Variants in FER1L6 observed in about 807,000 individuals in gnomAD.
The protein encoded by FER1L6 is fer-1-like protein 6.
In FER1L6, 177 loss-of-function variants were observed where a neutral mutation model predicts 219.2. The ratio of observed to expected loss-of-function variants is 0.81; its 90% confidence interval spans 0.71 to 0.91. The LOEUF (loss-of-function observed/expected upper bound fraction) is 0.91. FER1L6 is among the 40% of genes least tolerant of loss of function. The pLI is 0.00. For missense variants in FER1L6, 2,153 were observed against 2,259.9 expected (o/e 0.95, Z 0.96); for synonymous variants, 768 against 824.3 (o/e 0.93, Z 1.17).
At chr8:123,981,654 G>A (rs1320221107) in intron 11 of FER1L6, among the ~76,000 whole-genome samples, 1 of 152,142 alleles carries the variant, frequency 6.6e-6, no homozygotes, top group African/African-American at 2.4e-5. Flanking sequence ...CCTTGGAAGA[G>A]GCATTTGTTT....
chr8:124,008,079 A>G (rs1284972980), intron 13 of FER1L6, among the ~76,000 whole-genome samples: 2 of 152,116 alleles, frequency 1.3e-5, no homozygotes, highest in Admixed American at 1.3e-4. Context: ...GTAGTCTTTT[A>G]TCCCTCACTC....
At chr8:124,070,860 T>A (rs1181120931) in intron 30 of FER1L6, among the ~76,000 whole-genome samples, 1 of 152,326 alleles carries the variant, frequency 6.6e-6, no homozygotes, top group South Asian at 2.1e-4. Context: ...AACTTTACTT[T>A]GTTCTCTCCC....
intron 39 of FER1L6, among the ~76,000 whole-genome samples, chr8:124,105,354 C>T (rs571244883): frequency 6.6e-6 from 1 of 152,322 alleles, no homozygotes; most frequent in South Asian, 2.1e-4. Flanking sequence ...CCTGATCACA[C>T]AGGCCTCGAG....
At chr8:123,939,605 T>C (rs1814149068) in intron 1 of FER1L6, among the ~76,000 whole-genome samples, 1 of 151,686 alleles carries the variant, frequency 6.6e-6, no homozygotes, top group South Asian at 2.1e-4. Context: ...CGTTGGGGAG[T>C]CTTGTGTCCC....
Position 124,094,879 on chromosome 8 carries a change from GTCTT to G in FER1L6, c.4553-10_4553-7del. ...GCAGGAACACACATCTGACAAGTTT[GTCTT>G]TCTTTCCTGCAGATGAGACAGTGGA... On this transcript the variant is annotated splice_polypyrimidine_tract_variant and intron_variant, in intron 34 of 40. Transcript: ENST00000522917. 1 of 1,613,822 alleles carries G rather than the reference GTCTT, an allele frequency of 6.2e-7. No homozygotes were observed. Among genetic ancestry groups the G allele is most frequent in the South Asian group, 1.1e-5 (1 of 91,036 alleles).
intron 1 of FER1L6, among the ~76,000 whole-genome samples, chr8:123,863,897 T>C (rs556646239): frequency 2.6e-4 from 40 of 151,348 alleles, no homozygotes; most frequent in Admixed American, 2.3e-3. Context: ...ATGGGTTTCC[T>C]GAGTACAGCA....
intron 39 of FER1L6, among the ~76,000 whole-genome samples, chr8:124,117,516 G>A (rs1237205210): frequency 1.3e-5 from 2 of 152,176 alleles, no homozygotes; most frequent in African/African-American, 2.4e-5. Context: ...ATATATACAT[G>A]TTTTCATGAA....
chr8:123,878,017 A>C (rs546004822), intron 1 of FER1L6, among the ~76,000 whole-genome samples: 134 of 152,282 alleles, frequency 8.8e-4, no homozygotes, highest in Non-Finnish European at 1.6e-3. Flanking sequence ...TTAACGTTCT[A>C]TTCTAATAAA....
At chr8:124,102,450 C>A (rs1479843884) in intron 38 of FER1L6, among the ~76,000 whole-genome samples, 1 of 152,062 alleles carries the variant, frequency 6.6e-6, no homozygotes, top group East Asian at 1.9e-4. Context: ...GGCTAAGCAC[C>A]AATACACAGA....
chr8:123,927,595 T>C (rs953396468), intron 1 of FER1L6, among the ~76,000 whole-genome samples: 1 of 152,228 alleles, frequency 6.6e-6, no homozygotes, highest in Non-Finnish European at 1.5e-5. Context: ...CGTTGGTTTT[T>C]TGTAGCAGCA....
At position 124,097,402 on chromosome 8, in the gene FER1L6, T is replaced by G. The variant is rs200083387; in HGVS notation, c.4784+43T>G. The G allele has an allele frequency of 1.5e-4, 204 of 1,353,204 alleles. No homozygotes were observed. In the African/African-American group the frequency reaches 2.7e-3, roughly 18 times the overall value. 83.8% of individuals were successfully genotyped at this position (1,353,204 alleles called of 1,614,324 possible). On this transcript the variant is annotated intron_variant, in intron 36 of 40. Coordinates refer to ENST00000522917, the MANE Select transcript of FER1L6 (RefSeq NM_001039112.2). ...CCAGCTTCAGGGGAAGAGACCAGGG[T>G]AGCAGATGAAAGAATCATGACATTT...
At chr8:123,976,207 A>C in intron 9 of FER1L6, 123 bp downstream of exon 9, 1 of 855,176 alleles carries the variant, frequency 1.2e-6, no homozygotes, top group African/African-American at 1.7e-5. Context: ...AGCTTGTTAC[A>C]AAAAGGCAAT....
rs1271188339 is a variant in FER1L6 at position 124,003,334 on chromosome 8, A to ACAG, written c.1688_1690dup (p.Thr563_Glu564insAla). The ACAG allele has an allele frequency of 5.6e-6, 9 of 1,612,468 alleles. No homozygotes were observed. Among genetic ancestry groups the ACAG allele is most frequent in the Non-Finnish European group, 7.6e-6 (9 of 1,179,712 alleles). Reference sequence around the variant, plus strand: ...CACTCACCCGGAGAAGCCACTGGTGACAGAAGGGAACAGGTAGGAGACATA... The same window carrying ACAG: ...CACTCACCCGGAGAAGCCACTGGTGACAGCAGAAGGGAACAGGTAGGAGACATA... On this transcript the variant is annotated inframe_insertion, in exon 13 of 41. Coordinates refer to ENST00000522917, the MANE Select transcript of FER1L6 (RefSeq NM_001039112.2).
rs1823411419 is a variant in FER1L6 at position 124,119,795 on chromosome 8, T to C, written c.*5T>C. On this transcript the variant is annotated 3_prime_UTR_variant, in exon 41 of 41. Transcript: ENST00000522917. ...AGGATCGTTGTGGGCTCATAGAGGATCATGGAGGACCCAGATCCTCGCCAT... is the reference window on the plus strand; with the variant it reads ...AGGATCGTTGTGGGCTCATAGAGGACCATGGAGGACCCAGATCCTCGCCAT... The C allele has an allele frequency of 1.2e-6, 2 of 1,613,224 alleles. No homozygotes were observed. The highest frequency in any genetic ancestry group is 1.3e-5 in the African/African-American group (1 of 74,884).
chr8:124,018,562 C>G (rs1228365934), intron 16 of FER1L6, among the ~76,000 whole-genome samples: 1 of 152,190 alleles, frequency 6.6e-6, no homozygotes, highest in Admixed American at 6.5e-5. Context: ...TTCTCAGCAC[C>G]TCTGGCTGAA....
chr8:123,883,599 A>G (rs918823015), intron 1 of FER1L6, among the ~76,000 whole-genome samples: 1 of 152,196 alleles, frequency 6.6e-6, no homozygotes, highest in African/African-American at 2.4e-5. Context: ...CTGCTATAAC[A>G]AAATGCTACA....
At chr8:123,858,579 G>A (rs187243459) in intron 1 of FER1L6, among the ~76,000 whole-genome samples, 2 of 152,326 alleles carry the variant, frequency 1.3e-5, no homozygotes, top group African/African-American at 4.8e-5. Context: ...AAAGGAAGTG[G>A]AAGATCAGAT....
intron 18 of FER1L6, among the ~76,000 whole-genome samples, chr8:124,031,192 G>A (rs1818951317): frequency 2.0e-5 from 3 of 151,932 alleles, no homozygotes; most frequent in Admixed American, 1.3e-4. Flanking sequence ...CTGAAGCTTC[G>A]CTGAAAAATC....
chr8:124,049,725 G>T lies in FER1L6; in HGVS notation c.2843G>T (p.Gly948Val). ...ATCTTTTGTGGGAATCTCTCTGGAG[G>T]GGATCTCCTTGCTGTATTTGAACTG... is the stretch of plus-strand genomic sequence containing the variant. ...HPIFCGNLSG[G>V]DLLAVFELLQ... is the part of the protein sequence containing the mutation. Residue 948 changes from glycine to valine, a missense_variant, in exon 22 of 41, where the codon GGG becomes GTG. By Grantham distance (109) the Gly-to-Val change is moderately radical (BLOSUM62 -3). Transcript: ENST00000522917. The T allele has an allele frequency of 6.2e-7, 1 of 1,614,018 alleles. No homozygotes were observed. Among genetic ancestry groups the T allele is most frequent in the Non-Finnish European group, 8.5e-7 (1 of 1,179,966 alleles).
Sources: allele counts gnomAD v4.1 joint callset (sites outside exome capture counted in the v4.1 genomes callset), GRCh38; gene constraint gnomAD v4.1.1; transcripts MANE v1.5; gene names NCBI Gene and HGNC (gene_info 2026-07-23, HGNC 2026-07-21).